FAM120B: variants seen among roughly 807,000 people sequenced by gnomAD.
FAM120B encodes the protein constitutive coactivator of peroxisome proliferator-activated receptor gamma.
In FAM120B, 83 loss-of-function variants were observed where a neutral mutation model predicts 96.3. The ratio of observed to expected loss-of-function variants is 0.86; its 90% CI spans 0.72 to 1.03. FAM120B has a LOEUF of 1.03. Ranked by LOEUF, FAM120B falls within the 50% of genes least tolerant of loss-of-function variation. The pLI is 0.00. For synonymous variants in FAM120B, 407 were observed against 402.7 expected (o/e 1.01, Z -0.13); for missense variants, 1,027 against 1,121.2 (o/e 0.92, Z 1.20).
intron 2 of FAM120B, among the ~76,000 whole-genome samples, chr6:170,319,633 G>C (rs1785159770): frequency 6.6e-6 from 1 of 152,070 alleles, no homozygotes; most frequent in Non-Finnish European, 1.5e-5. Context: ...CTCCAGCCTG[G>C]GCAATAAGAG....
chr6:170,354,854 G>A (rs1443517539), intron 5 of FAM120B, among the ~76,000 whole-genome samples: 8 of 152,180 alleles, frequency 5.3e-5, no homozygotes, highest in East Asian at 3.9e-4. Context: ...GTGTGAACCC[G>A]GGAGGTGGAG....
At chr6:170,296,594 C>T (rs1031663244) in intron 1 of FAM120B, among the ~76,000 whole-genome samples, 12 of 151,842 alleles carry the variant, frequency 7.9e-5, no homozygotes, top group Admixed American at 1.3e-4. Context: ...CCGGGCTGTG[C>T]GAGGCGACGG....
At chr6:170,360,759 G>A (rs138837703) in intron 6 of FAM120B, among the ~76,000 whole-genome samples, 85 of 152,206 alleles carry the variant, frequency 5.6e-4, no homozygotes, top group African/African-American at 1.9e-3. Context: ...CAAGGAGGGC[G>A]TTTTTTCTAA....
At chr6:170,299,788 G>C (rs1353834753) in intron 1 of FAM120B, among the ~76,000 whole-genome samples, 1 of 152,218 alleles carries the variant, frequency 6.6e-6, no homozygotes, top group Admixed American at 6.5e-5. Context: ...AAGGTGGTTT[G>C]AGTGCTGGTT....
upstream of FAM120B, among the ~76,000 whole-genome samples, chr6:170,294,051 G>A (rs181520189): frequency 2.5e-4 from 38 of 152,186 alleles, no homozygotes; most frequent in Admixed American, 1.8e-3. This position sits in a 1 kb window ranked among gnomAD's most constrained non-coding sequence, Gnocchi z 7.9. Context: ...CATCTGCTCC[G>A]AACCAAATGG....
intron 2 of FAM120B, among the ~76,000 whole-genome samples, chr6:170,322,239 A>G (rs2115037254): frequency 6.6e-6 from 1 of 152,358 alleles, no homozygotes; most frequent in Admixed American, 6.5e-5. Flanking sequence ...TTCTCAACAA[A>G]TGAGTGAATG....
At chr6:170,358,155 CTG>C (rs1329220254) in intron 5 of FAM120B, 69 bp from the exon 6 acceptor site, 1 of 1,319,674 alleles carries the variant, frequency 7.6e-7, no homozygotes, top group African/African-American at 1.5e-5. Context: ...TAGTTAATAA[CTG>C]AGATCAATTT....
At chr6:170,365,204 A>G (rs1788707033) in intron 6 of FAM120B, among the ~76,000 whole-genome samples, 1 of 152,212 alleles carries the variant, frequency 6.6e-6, no homozygotes. Flanking sequence ...AGGTGGTCAG[A>G]CTTTGAGCCC....
Position 170,318,364 on chromosome 6 carries a change from A to T in FAM120B, c.974A>T (p.Asp325Val). The T allele has an allele frequency of 6.2e-7, 1 of 1,614,242 alleles. No homozygotes were observed. Residue 325 changes from aspartate (D) to valine (V), a missense_variant, in exon 2 of 11, where the codon GAC becomes GTC. Physicochemically the swap from Asp to Val is radical, Grantham distance 152. Around this residue, in one of 3 missense-constraint regions of FAM120B, gnomAD observed 880 missense variants for 980.9 expected, o/e 0.90. Transcript: ENST00000476287. ...FQKPKGVITL[D>V]KQVISTSSDA... ...AAACCCAAAGGTGTAATAACTTTGG[A>T]CAAACAAGTAATATCCACGAGTTCA...
chr6:170,374,353 T>A (rs7771054), intron 6 of FAM120B, among the ~76,000 whole-genome samples: 28,106 of 152,220 alleles, frequency 0.18, 3,535 homozygotes, highest in East Asian at 0.59. Flanking sequence ...ACTTTTAGCT[T>A]GAATGAACCT....
At chr6:170,399,274 C>G (rs1244791384) in intron 9 of FAM120B, among the ~76,000 whole-genome samples, 3 of 146,066 alleles carry the variant, frequency 2.1e-5, no homozygotes, top group East Asian at 2.1e-4. Context: ...TGTCATAACT[C>G]TTAGTAGTGA....
chr6:170,314,649 C>G (rs1784785398), intron 1 of FAM120B, among the ~76,000 whole-genome samples: 1 of 152,174 alleles, frequency 6.6e-6, no homozygotes, highest in Non-Finnish European at 1.5e-5. Context: ...GAAAAGCCTG[C>G]ATATATGCTC....
At chr6:170,365,554 G>A (rs1788728869) in intron 6 of FAM120B, among the ~76,000 whole-genome samples, 2 of 152,224 alleles carry the variant, frequency 1.3e-5, no homozygotes, top group Non-Finnish European at 2.9e-5. Flanking sequence ...TGAACCCATG[G>A]AGGAAAGAAT....
intron 9 of FAM120B, among the ~76,000 whole-genome samples, chr6:170,397,025 A>C (rs1292891115): frequency 6.6e-6 from 1 of 152,222 alleles, no homozygotes; most frequent in Non-Finnish European, 1.5e-5. Context: ...TTCAGGTCAG[A>C]GACTGCAGCC....
intron 6 of FAM120B, among the ~76,000 whole-genome samples, chr6:170,361,995 T>C (rs1788491075): frequency 6.6e-6 from 1 of 152,114 alleles, no homozygotes. Flanking sequence ...GGTTTCACCA[T>C]GTTGGCCAGG....
At chr6:170,362,978 G>A (rs1056604776) in intron 6 of FAM120B, among the ~76,000 whole-genome samples, 5 of 152,012 alleles carry the variant, frequency 3.3e-5, no homozygotes, top group African/African-American at 7.3e-5. Flanking sequence ...AGCCACCACC[G>A]TGGCAATGAT....
intron 6 of FAM120B, among the ~76,000 whole-genome samples, chr6:170,383,327 T>G (rs1219240411): frequency 6.6e-6 from 1 of 152,202 alleles, no homozygotes; most frequent in Non-Finnish European, 1.5e-5. Flanking sequence ...TTCAACATTT[T>G]AAATTCAAAA....
intron 4 of FAM120B, among the ~76,000 whole-genome samples, chr6:170,347,419 G>A (rs887087635): frequency 6.6e-6 from 1 of 152,148 alleles, no homozygotes; most frequent in African/African-American, 2.4e-5. Flanking sequence ...AGTGTGAGTC[G>A]TCATCATTTG....
At chr6:170,310,832 C>T (rs1173247467) in intron 1 of FAM120B, among the ~76,000 whole-genome samples, 1 of 152,230 alleles carries the variant, frequency 6.6e-6, no homozygotes, top group African/African-American at 2.4e-5. Flanking sequence ...CTTTGTTTGC[C>T]TCCTTCCTCA....
Sources: allele counts gnomAD v4.1 joint callset (sites outside exome capture counted in the v4.1 genomes callset), GRCh38; gene constraint gnomAD v4.1.1; regional missense constraint gnomAD v4.1.1; non-coding constraint Gnocchi (gnomAD v3.1); transcripts MANE v1.5; gene names NCBI Gene and HGNC (gene_info 2026-07-23, HGNC 2026-07-21).